Variants in GFM2 observed in about 807,000 individuals in gnomAD.
GFM2 encodes GTP dependent ribosome recycling factor mitochondrial 2, also known as ribosome-releasing factor 2, mitochondrial.
A neutral mutation model predicts 95.4 loss-of-function variants in GFM2; 72 were observed. The ratio of observed to expected loss-of-function variants is 0.76; its 90% CI spans 0.62 to 0.92. The LOEUF (loss-of-function observed/expected upper bound fraction) is 0.92, where lower values mean the gene tolerates loss of function less well. GFM2 is among the 40% of genes least tolerant of loss of function. GFM2 has a pLI of 0.00. For missense variants in GFM2, 825 were observed against 924.1 expected (o/e 0.89, Z 1.39); for synonymous variants, 276 against 317.5 (o/e 0.87, Z 1.39).
In GFM2 at chr5:74,745,775, T is replaced by TG. The variant is rs1743352346; in HGVS notation, c.751_752insC (p.Asn251ThrfsTer2). Reference sequence around the variant, plus strand: ...CTTTCTCTCAAAGTCTTTTCCATCATTTGAATTGCAATTCCAAAGAAGTTT... The same window carrying TG: ...CTTTCTCTCAAAGTCTTTTCCATCATGTTGAATTGCAATTCCAAAGAAGTTT... On this transcript the variant is annotated frameshift_variant, in exon 10 of 21. Transcript: ENST00000296805. LOFTEE classifies it high-confidence loss of function. 1 of 1,613,682 alleles carries TG rather than the reference T, an allele frequency of 6.2e-7. No individual in the cohort carries two copies. Among genetic ancestry groups the TG allele is most frequent in the African/African-American group, 1.3e-5 (1 of 74,950 alleles).
At chr5:74,757,340 CT>C (rs150344401) in intron 5 of GFM2, among the ~76,000 whole-genome samples, 3,636 of 152,082 alleles carry the variant, frequency 0.024, 143 homozygotes, top group African/African-American at 0.084. Flanking sequence ...TTGATATTCT[CT>C]TTTTTAACTG....
At chr5:74,766,295 T>A (rs965309260) in intron 1 of GFM2, among the ~76,000 whole-genome samples, 2 of 152,212 alleles carry the variant, frequency 1.3e-5, no homozygotes, top group Admixed American at 1.3e-4. Context: ...CTGGGCGAGA[T>A]GCCGTCTCAA....
At chr5:74,733,133 T>C in intron 15 of GFM2, 35 bp from the exon 16 acceptor site, 6 of 1,439,258 alleles carry the variant, frequency 4.2e-6, no homozygotes, top group Non-Finnish European at 5.9e-6. Context: ...TTACATTTCA[T>C]TTTTTAAATA....
chr5:74,764,233 G>A (rs1243755747), intron 1 of GFM2, among the ~76,000 whole-genome samples: 1 of 152,090 alleles, frequency 6.6e-6, no homozygotes, highest in East Asian at 1.9e-4. Flanking sequence ...ATATATAAAA[G>A]CAAGTCCTCT....
At chr5:74,756,829 T>C (rs559688516) in intron 5 of GFM2, among the ~76,000 whole-genome samples, 5 of 152,286 alleles carry the variant, frequency 3.3e-5, no homozygotes, top group South Asian at 4.1e-4. Flanking sequence ...AATGGAAAAC[T>C]GACATCATTT....
chr5:74,750,173 T>C (rs962955785), intron 7 of GFM2, among the ~76,000 whole-genome samples: 29 of 152,204 alleles, frequency 1.9e-4, no homozygotes, highest in African/African-American at 6.8e-4. Flanking sequence ...TTTGAATGAT[T>C]AAACGTCAAA....
rs763845730 is a variant in GFM2 at position 74,721,720 on chromosome 5, TAG to T, written c.2273_2274del (p.Ser758TyrfsTer35). On this transcript the variant is annotated frameshift_variant, in exon 21 of 21. Coordinates refer to ENST00000296805, the MANE Select transcript of GFM2 (RefSeq NM_032380.5). LOFTEE classifies it high-confidence loss of function. ...SGSATFALEL[S>X]TYQAMNPQDQ... ...TCTTGAGGATTCATGGCTTGATAAG[TAG>T]ATAGTTCTAAGGCAAAAGTAGCTGA... 3 of 1,613,804 alleles carry T rather than the reference TAG, an allele frequency of 1.9e-6. No individual in the cohort carries two copies. Among genetic ancestry groups the T allele is most frequent in the Non-Finnish European group, 2.5e-6 (3 of 1,179,778 alleles).
At chr5:74,748,108 TC>T (rs1253201670) in intron 7 of GFM2, among the ~76,000 whole-genome samples, 2 of 152,154 alleles carry the variant, frequency 1.3e-5, no homozygotes, top group African/African-American at 4.8e-5. Context: ...GAGACCTACT[TC>T]TTGTTTGGCT....
chr5:74,730,797 CCTTTT>C (rs1180982872), intron 16 of GFM2: 2 of 153,578 alleles, frequency 1.3e-5, no homozygotes, highest in Non-Finnish European at 1.4e-5. Flanking sequence ...GGGTAAAGCC[CCTTTT>C]ATTTTTTATT....
At chr5:74,748,920 AAAAAAATAAAAAAAAT>A (rs1743542330) in intron 7 of GFM2, among the ~76,000 whole-genome samples, 2 of 139,190 alleles carry the variant, frequency 1.4e-5, no homozygotes, top group Non-Finnish European at 3.1e-5. Context: ...AAAAAAATAA[AAAAAAATAAAAAAAAT>A]AAAAAATAAA....
intron 16 of GFM2, among the ~76,000 whole-genome samples, chr5:74,732,714 CT>C (rs1277734656): frequency 2.0e-5 from 3 of 152,174 alleles, no homozygotes; most frequent in South Asian, 4.2e-4. Flanking sequence ...AGGCTCAAGG[CT>C]TTGCCTTGAT....
Position 74,726,108 on chromosome 5 carries a change from A to G in GFM2, c.1745T>C (p.Leu582Ser), listed in dbSNP as rs202067734. ...AGTCACAAGATGCCTTTTGTCTCCT[A>G]AAGTTCTATCTAAGGTATCTGTAAA... ...VRATDTLDRT[L>S]GDKRHLVTVE... The change falls in exon 18 of 21, where the codon TTA (leucine) becomes TCA (serine). Residue 582 changes from leucine (L) to serine (S), a missense_variant. Physicochemically the swap from Leu to Ser is moderately radical, Grantham distance 145. Transcript: ENST00000296805. 9 of 1,608,592 alleles carry G rather than the reference A, an allele frequency of 5.6e-6. No individual in the cohort carries two copies. The highest frequency in any genetic ancestry group is 2.2e-5 in the South Asian group (2 of 90,226).
intron 5 of GFM2, among the ~76,000 whole-genome samples, chr5:74,757,679 T>C (rs1744060644): frequency 1.5e-5 from 2 of 135,432 alleles, no homozygotes; most frequent in African/African-American, 5.6e-5. Context: ...CAGTGAGCTG[T>C]GACTGGGCCA....
intron 19 of GFM2, among the ~76,000 whole-genome samples, chr5:74,723,394 C>T (rs1750007262): frequency 6.6e-6 from 1 of 152,162 alleles, no homozygotes; most frequent in Non-Finnish European, 1.5e-5. Flanking sequence ...TCTCCAAACA[C>T]TTCTATGCAC....
intron 1 of GFM2, among the ~76,000 whole-genome samples, chr5:74,764,492 G>GT (rs947934125): frequency 6.6e-6 from 1 of 151,864 alleles, no homozygotes; most frequent in African/African-American, 2.4e-5. Flanking sequence ...ATATTATGAG[G>GT]TTTTTTTTAT....
chr5:74,733,311 C>A, intron 15 of GFM2: 5 of 348,408 alleles, frequency 1.4e-5, no homozygotes, highest in Non-Finnish European at 2.1e-5. Context: ...GGCAACATGG[C>A]GAAACCCCGT....
At chr5:74,760,241 A>T (rs1184844074) in intron 3 of GFM2, among the ~76,000 whole-genome samples, 1 of 152,212 alleles carries the variant, frequency 6.6e-6, no homozygotes. Flanking sequence ...ATATTAGCCA[A>T]ATTCAGAGAC....
At chr5:74,746,946 A>C (rs974805035) in intron 8 of GFM2, among the ~76,000 whole-genome samples, 2 of 152,188 alleles carry the variant, frequency 1.3e-5, no homozygotes, top group African/African-American at 4.8e-5. Flanking sequence ...AACACAAAGC[A>C]TATTAATTAC....
At position 74,721,670 on chromosome 5, in the gene GFM2, TCTC is replaced by T; in HGVS notation, c.2322_2324del (p.Arg775del). On this transcript the variant is annotated inframe_deletion, in exon 21 of 21. Transcript: ENST00000296805. ...ACTAAAACATTTAGGTCAAACCACT[TCTC>T]CGGTTGAGCAGTGTATTTTGATCTT... 6.2e-7 allele frequency: 1 copy of T among 1,612,570 alleles called. No individual in the cohort carries two copies. Among genetic ancestry groups the T allele is most frequent in the Non-Finnish European group, 8.5e-7 (1 of 1,179,568 alleles).
Sources: allele counts gnomAD v4.1 joint callset (sites outside exome capture counted in the v4.1 genomes callset), GRCh38; gene constraint gnomAD v4.1.1; transcripts MANE v1.5; gene names NCBI Gene and HGNC (gene_info 2026-07-23, HGNC 2026-07-21).